The following IQCH variants were observed in gnomAD, a reference collection of about 807,000 sequenced individuals.
The protein encoded by IQCH is IQ motif containing H, also known as IQ domain-containing protein H.
In IQCH, 98 loss-of-function variants were observed where a neutral mutation model predicts 117.0. The ratio of observed to expected loss-of-function variants is 0.84; its 90% confidence interval spans 0.71 to 0.99. The LOEUF (loss-of-function observed/expected upper bound fraction) is 0.99, where lower values mean the gene tolerates loss of function less well. IQCH is among the 50% of genes least tolerant of loss of function. The pLI is 0.00. For synonymous variants in IQCH, 412 were observed against 448.2 expected (o/e 0.92, Z 1.02); for missense variants, 1,102 against 1,243.8 (o/e 0.89, Z 1.72).
rs2081850253 is a variant in IQCH, at chr15:67,425,040, T to A, written c.2505+3463T>A. On this transcript the variant is annotated intron_variant, in intron 16 of 20. Coordinates refer to ENST00000335894, the MANE Select transcript of IQCH (RefSeq NM_001031715.3). The surrounding 1 kb of genome is among the most constrained non-coding windows in gnomAD (Gnocchi z 5.5). ...TTTTGTCAGTCTAACAGGTTAAAAA[T>A]TTTTTGTTTTATTCAGCATTTCTTT... Among the ~76,000 whole-genome samples the A allele has an allele frequency of 6.6e-6, 1 of 152,196 alleles. No homozygotes were observed. Among genetic ancestry groups the A allele is most frequent in the African/African-American group, 2.4e-5 (1 of 41,434 alleles).
rs2083979733 is a variant in IQCH, at chr15:67,501,570, A to G, written c.*824A>G. 6.6e-6 allele frequency: 1 copy of G among 152,250 alleles called. No homozygotes were observed. The highest frequency in any genetic ancestry group is 1.5e-5 in the Non-Finnish European group (1 of 68,040). The allele number at this position is 152,250 out of a possible 1,614,324, so 9.4% of individuals were successfully genotyped here. On this transcript the variant is annotated 3_prime_UTR_variant, in exon 21 of 21. Coordinates refer to ENST00000335894, the MANE Select transcript of IQCH (RefSeq NM_001031715.3). This position sits in a 1 kb window ranked among gnomAD's most constrained non-coding sequence, Gnocchi z 5.2. The stretch of plus-strand genomic sequence containing the variant: ...GACTCTAACTTTCAGCATTCACTTC[A>G]TAATTGTCCAAAAATATTTCCACAT...
intron 16 of IQCH, among the ~76,000 whole-genome samples, chr15:67,437,158 C>T (rs1015880530): frequency 2.6e-5 from 4 of 152,170 alleles, no homozygotes; most frequent in South Asian, 2.1e-4. Context: ...TTGCATCCCC[C>T]GCCACCTCCA....
intron 4 of IQCH, among the ~76,000 whole-genome samples, chr15:67,309,385 T>C (rs1428607149): frequency 6.6e-6 from 1 of 152,136 alleles, no homozygotes; most frequent in Non-Finnish European, 1.5e-5. Flanking sequence ...CACACAGATA[T>C]GAGGACAGGG....
chr15:67,285,145 C>A (rs1747544692), intron 4 of IQCH, among the ~76,000 whole-genome samples: 1 of 152,178 alleles, frequency 6.6e-6, no homozygotes, highest in Non-Finnish European at 1.5e-5. Flanking sequence ...TAAATAATCA[C>A]CATTCTGACT....
At chr15:67,375,873 G>A (rs1482756094) in intron 10 of IQCH, among the ~76,000 whole-genome samples, 5 of 142,576 alleles carry the variant, frequency 3.5e-5, no homozygotes, top group African/African-American at 1.3e-4. Context: ...TGCATTCTCC[G>A]CCTCCCGGGT....
At chr15:67,309,268 G>A (rs949549230) in intron 4 of IQCH, among the ~76,000 whole-genome samples, 23 of 152,048 alleles carry the variant, frequency 1.5e-4, no homozygotes, top group Admixed American at 1.5e-3. Context: ...GTTTTATACT[G>A]TCATTTAAAA....
intron 12 of IQCH, among the ~76,000 whole-genome samples, chr15:67,389,783 C>CT (rs1171376340): frequency 1.3e-5 from 2 of 150,972 alleles, no homozygotes; most frequent in Non-Finnish European, 2.9e-5. Context: ...AACTGTCTCT[C>CT]TATCGCCAAC....
At chr15:67,374,956 T>C (rs889279178) in intron 10 of IQCH, among the ~76,000 whole-genome samples, 2 of 152,136 alleles carry the variant, frequency 1.3e-5, no homozygotes, top group Admixed American at 1.3e-4. Context: ...CTTTGCAAAG[T>C]TGCTTAGCAC....
chr15:67,448,353 T>A (rs1670845542), intron 16 of IQCH, among the ~76,000 whole-genome samples: 1 of 151,238 alleles, frequency 6.6e-6, no homozygotes, highest in East Asian at 1.9e-4. Flanking sequence ...TAAGTATATC[T>A]CCTAATGCTA....
intron 4 of IQCH, among the ~76,000 whole-genome samples, chr15:67,334,012 C>T (rs553701638): frequency 4.0e-5 from 6 of 151,862 alleles, no homozygotes; most frequent in African/African-American, 9.7e-5. Context: ...GAGCTGTGAT[C>T]GTGCCACTGA....
chr15:67,254,971 C>T (rs1191782145), intron 1 of IQCH, 24 bp downstream of exon 1: 3 of 1,606,558 alleles, frequency 1.9e-6, no homozygotes, highest in South Asian at 1.1e-5. Flanking sequence ...TTCCCCCGGC[C>T]CTGCCCTGCC....
chr15:67,429,271 T>C (rs1355476168), intron 16 of IQCH, among the ~76,000 whole-genome samples: 1 of 152,208 alleles, frequency 6.6e-6, no homozygotes, highest in Non-Finnish European at 1.5e-5. Flanking sequence ...CCCAGCACTT[T>C]GGAAAGCTGA....
chr15:67,268,363 T>A (rs11071945), intron 3 of IQCH, among the ~76,000 whole-genome samples: 67,505 of 152,054 alleles, frequency 0.44, 15,523 homozygotes, highest in Non-Finnish European at 0.52. Flanking sequence ...GTTTCACTGT[T>A]ATCCACACTT....
In IQCH at chr15:67,501,626, G is replaced by A. The variant is rs1490517798; in HGVS notation, c.*880G>A. ...AGCTTTACTGAAGGGTGAAATAAAAGCAAATTACAACACCAAAACCATTAT... is the reference window on the plus strand; with the variant it reads ...AGCTTTACTGAAGGGTGAAATAAAAACAAATTACAACACCAAAACCATTAT... On this transcript the variant is annotated 3_prime_UTR_variant, in exon 21 of 21. Transcript: ENST00000335894. This position sits in a 1 kb window ranked among gnomAD's most constrained non-coding sequence, Gnocchi z 5.2. 1 of 152,078 alleles carries A rather than the reference G, an allele frequency of 6.6e-6. No homozygotes were observed. The highest frequency in any genetic ancestry group is 2.4e-5 in the African/African-American group (1 of 41,412). The allele number at this position is 152,078 out of a possible 1,614,324, so 9.4% of individuals were successfully genotyped here. A position where few individuals can be genotyped will look rare whatever the true frequency, so the allele number is the denominator to read the frequency against.
chr15:67,284,134 T>C (rs1966469662), intron 4 of IQCH, among the ~76,000 whole-genome samples: 1 of 152,104 alleles, frequency 6.6e-6, no homozygotes, highest in African/African-American at 2.4e-5. Flanking sequence ...AAATACTAGT[T>C]CTTATTCATT....
chr15:67,322,772 G>A (rs1031283151), intron 4 of IQCH, among the ~76,000 whole-genome samples: 10 of 128,452 alleles, frequency 7.8e-5, no homozygotes, highest in African/African-American at 3.0e-4. Context: ...AGCTCTCAGT[G>A]GACAGGGGAT....
At chr15:67,378,705 C>A (rs1363005943) in intron 10 of IQCH, among the ~76,000 whole-genome samples, 1 of 151,854 alleles carries the variant, frequency 6.6e-6, no homozygotes, top group Non-Finnish European at 1.5e-5. Context: ...TGATGTTGTA[C>A]CATGAAATAC....
chr15:67,298,631 C>G (rs1290001687), intron 4 of IQCH, among the ~76,000 whole-genome samples: 1 of 151,986 alleles, frequency 6.6e-6, no homozygotes, highest in African/African-American at 2.4e-5. Context: ...GTTGGGAGGC[C>G]GAGGTGGGCA....
rs1343164174 is a variant in IQCH at position 67,364,366 on chromosome 15, A to G, written c.753+4481A>G. On this transcript the variant is annotated intron_variant, in intron 8 of 20. Coordinates refer to ENST00000335894, the MANE Select transcript of IQCH (RefSeq NM_001031715.3). This position sits in a 1 kb window ranked among gnomAD's most constrained non-coding sequence, Gnocchi z 4.1. Reference sequence around the variant, plus strand: ...TTGCCATCCTCACCTATGCGTTTTCATCATTAAACTTTCCAAATGAATTGA... The same window carrying G: ...TTGCCATCCTCACCTATGCGTTTTCGTCATTAAACTTTCCAAATGAATTGA... Among the ~76,000 whole-genome samples, 4 of 152,206 alleles carry G rather than the reference A, an allele frequency of 2.6e-5. No individual in the cohort carries two copies. The highest frequency in any genetic ancestry group is 4.4e-5 in the Non-Finnish European group (3 of 68,028).
Sources: allele counts gnomAD v4.1 joint callset (sites outside exome capture counted in the v4.1 genomes callset), GRCh38; gene constraint gnomAD v4.1.1; non-coding constraint Gnocchi (gnomAD v3.1); transcripts MANE v1.5; gene names NCBI Gene and HGNC (gene_info 2026-07-23, HGNC 2026-07-21).